UACA: variants seen among roughly 807,000 people sequenced by gnomAD.
UACA encodes nuclear membrane binding protein.
In UACA, 112 loss-of-function variants were observed where a neutral mutation model predicts 160.5. The observed-to-expected ratio is 0.70, with a 90% confidence interval of 0.60 to 0.82. The LOEUF (loss-of-function observed/expected upper bound fraction) is 0.82, where lower values mean the gene tolerates loss of function less well. Among genes scored for constraint, UACA ranks in the 40% least tolerant of loss-of-function variants. The probability of loss-of-function intolerance (pLI) is 0.00; values close to 1 mark genes in which losing one functional copy is unlikely to be tolerated. For missense variants in UACA, 1,574 were observed against 1,614.6 expected, an observed-to-expected ratio of 0.97 and a Z score of 0.43; for synonymous variants, 557 against 568.4, an observed-to-expected ratio of 0.98 and a Z score of 0.29.
chr15:70,747,251 T>G (rs928969121), intron 1 of UACA, among the ~76,000 whole-genome samples: 9 of 149,178 alleles, frequency 6.0e-5, no homozygotes, highest in Non-Finnish European at 1.0e-4. Flanking sequence ...GTTTTTTTTT[T>G]TTTTTTTTTT....
intron 1 of UACA, among the ~76,000 whole-genome samples, chr15:70,746,240 C>A (rs1899703767): frequency 6.6e-6 from 1 of 152,058 alleles, no homozygotes; most frequent in South Asian, 2.1e-4. Flanking sequence ...ATCCATCTGA[C>A]AAAGGGCTAA....
intron 1 of UACA, among the ~76,000 whole-genome samples, chr15:70,725,403 T>C (rs1272881055): frequency 6.6e-6 from 1 of 152,318 alleles, no homozygotes; most frequent in Admixed American, 6.5e-5. Context: ...ACCAAGAATG[T>C]CCACAGACCT....
intron 1 of UACA, among the ~76,000 whole-genome samples, chr15:70,744,472 T>TA (rs759517829): frequency 9.9e-5 from 15 of 152,046 alleles, no homozygotes; most frequent in Non-Finnish European, 2.1e-4. Flanking sequence ...TATAAGATAA[T>TA]AGACTATAAA....
At chr15:70,664,510 A>G (rs1013669808) in intron 17 of UACA, 152 bp downstream of exon 17, 1 of 835,746 alleles carries the variant, frequency 1.2e-6, no homozygotes, top group East Asian at 2.9e-5. Flanking sequence ...TTATTACACC[A>G]CCAGTATAGG....
At chr15:70,660,827 C>A (rs962030181) in intron 17 of UACA, 5 of 152,198 alleles carry the variant, frequency 3.3e-5, no homozygotes, top group African/African-American at 1.2e-4. Context: ...AGACCACATT[C>A]ACATAACTTT....
At chr15:70,714,667 GAA>G (rs547964617) in intron 1 of UACA, among the ~76,000 whole-genome samples, 1 of 149,252 alleles carries the variant, frequency 6.7e-6, no homozygotes, top group Non-Finnish European at 1.5e-5. Flanking sequence ...CATGAAATCT[GAA>G]AAAAAAAATT....
At position 70,655,656 on chromosome 15, in the gene UACA, A is replaced by G. The variant is rs1468298638; in HGVS notation, c.*1400T>C. On this transcript the variant is annotated 3_prime_UTR_variant, in exon 19 of 19. Coordinates refer to ENST00000322954, the MANE Select transcript of UACA (RefSeq NM_018003.4). ...CAGATATTGCTTATGTAAACCGTAT[A>G]AAGAATTAAAAACAAATCCAATTCT... 1 of 152,260 alleles carries G rather than the reference A, an allele frequency of 6.6e-6. No homozygotes were observed. The highest frequency in any genetic ancestry group is 2.4e-5 in the African/African-American group (1 of 41,474). 9.4% of individuals were successfully genotyped at this position (152,260 alleles called of 1,614,324 possible).
At chr15:70,778,373 G>A in the UACA span, among the ~76,000 whole-genome samples, 20,011 of 152,202 alleles carry the variant, frequency 0.13, 1,582 homozygotes, top group African/African-American at 0.22. Context: ...TCCTCACTGA[G>A]CTAAAATCAA....
chr15:70,753,153 A>G (rs1332913757), intron 1 of UACA, among the ~76,000 whole-genome samples: 14 of 152,222 alleles, frequency 9.2e-5, no homozygotes, highest in Admixed American at 9.2e-4. Context: ...ACAGATCAAC[A>G]TGAACAGGGC....
chr15:70,695,411 A>G lies in UACA; in HGVS notation c.213-306T>C, dbSNP rs1595894449. ...TAACTCTAAAGTTTATAGCAAAAGCATTGCTGCTTGGATCTTAATAAATGC... is the reference window on the plus strand; with the variant it reads ...TAACTCTAAAGTTTATAGCAAAAGCGTTGCTGCTTGGATCTTAATAAATGC... On this transcript the variant is annotated intron_variant, in intron 2 of 18. Coordinates refer to ENST00000322954, the MANE Select transcript of UACA (RefSeq NM_018003.4). 4.6e-5 allele frequency among the ~76,000 whole-genome samples: 7 copies of G among 151,970 alleles called. No homozygotes were observed. The East Asian group carries it at 1.3e-3, about 29-fold the overall frequency.
chr15:70,664,733 G>GTGA lies in UACA; in HGVS notation c.4041_4042insTCA (p.Asn1347_Pro1348insSer). The GTGA allele has an allele frequency of 6.2e-7, 1 of 1,613,576 alleles. No individual in the cohort carries two copies. The highest frequency in any genetic ancestry group is 8.5e-7 in the Non-Finnish European group (1 of 1,179,826). ...ATCAGCTGGCTCTGCCTCTTGGTGG[G>GTGA]GTTCCCACTTGTGTAGGTGAGTTGG... On this transcript the variant is annotated inframe_insertion, in exon 17 of 19. Transcript: ENST00000322954.
intron 1 of UACA, among the ~76,000 whole-genome samples, chr15:70,720,061 C>T (rs1297504237): frequency 6.6e-6 from 1 of 152,152 alleles, no homozygotes; most frequent in Non-Finnish European, 1.5e-5. Context: ...AGGCAGATTT[C>T]TCCCTTTGGT....
chr15:70,667,298 T>C lies in UACA; in HGVS notation c.3386A>G (p.Glu1129Gly). 1 of 1,611,426 alleles carries C rather than the reference T, an allele frequency of 6.2e-7. No individual in the cohort carries two copies. The highest frequency in any genetic ancestry group is 8.5e-7 in the Non-Finnish European group (1 of 1,179,410). The change falls in exon 16 of 19, where the codon GAA becomes GGA. Residue 1129 changes from glutamate to glycine, a missense_variant. Coordinates refer to ENST00000322954, the MANE Select transcript of UACA (RefSeq NM_018003.4). ...ALKKSLNGTI[E>G]NLKEELKSMQ... is the part of the protein sequence containing the mutation. ...ACTCTTCAGTTCTTCCTTTAGATTT[T>C]CAATTGTGCCATTAAGAGATTTTTT...
At chr15:70,764,440 A>G (rs928164588), upstream of UACA, among the ~76,000 whole-genome samples, 1 of 152,242 alleles carries the variant, frequency 6.6e-6, no homozygotes, top group African/African-American at 2.4e-5. Context: ...TCAGCACCCA[A>G]TAATTTGCTG....
chr15:70,689,499 A>G (rs1353462750), intron 5 of UACA, among the ~76,000 whole-genome samples: 1 of 152,200 alleles, frequency 6.6e-6, no homozygotes, highest in South Asian at 2.1e-4. Context: ...ATATTAAAAA[A>G]AAGAAATGCA....
chr15:70,684,971 T>C (rs916933441), intron 7 of UACA, among the ~76,000 whole-genome samples: 2 of 152,104 alleles, frequency 1.3e-5, no homozygotes, highest in South Asian at 4.1e-4. Context: ...ACTGATACTG[T>C]CACCCCATGT....
At position 70,678,183 on chromosome 15, in the gene UACA, A is replaced by G. The variant is rs759989049; in HGVS notation, c.915T>C (p.Asp305=). The G allele has an allele frequency of 6.2e-7, 1 of 1,610,798 alleles. No individual in the cohort carries two copies. The highest frequency in any genetic ancestry group is 1.1e-5 in the South Asian group (1 of 90,650). ...GAATTTTTCTCAACCTCTCTTTCAAATCTTCATTTTCAATCTCCAAATCCT... is the reference window on the plus strand; with the variant it reads ...GAATTTTTCTCAACCTCTCTTTCAAGTCTTCATTTTCAATCTCCAAATCCT... The part of the protein sequence containing the change: ...NIQDLEIENE[D]LKERLRKIQQ... Residue 305 remains aspartate (D), a synonymous_variant, in exon 11 of 19, where the codon GAT becomes GAC. Coordinates refer to ENST00000322954, the MANE Select transcript of UACA (RefSeq NM_018003.4).
At chr15:70,713,243 C>T (rs926562506) in intron 1 of UACA, among the ~76,000 whole-genome samples, 1 of 152,056 alleles carries the variant, frequency 6.6e-6, no homozygotes, top group Non-Finnish European at 1.5e-5. Flanking sequence ...CCCAGCTACT[C>T]GGGAGGCTGA....
rs2030892465 is a variant in UACA at position 70,763,328 on chromosome 15, ACCGCGCTGGCGG to A, written c.68_78+1del. The A allele has an allele frequency of 7.5e-7, 1 of 1,333,840 alleles. No individual in the cohort carries two copies. Among genetic ancestry groups the A allele is most frequent in the Admixed American group, 4.1e-5 (1 of 24,204 alleles). The allele number at this position is 1,333,840 out of a possible 1,614,324, so 82.6% of individuals were successfully genotyped here. ...CCTCGCAGCCCGGACCGCGGGACTC[ACCGCGCTGGCGG>A]CGGCGGCGCCAGACGACGCGGGGCC... On this transcript the variant is annotated splice_donor_variant and coding_sequence_variant, in exon 1 of 19. Coordinates refer to ENST00000322954, the MANE Select transcript of UACA (RefSeq NM_018003.4). LOFTEE classifies it high-confidence loss of function.
Sources: gnomAD v4.1 joint callset for allele counts (sites outside exome capture counted in the v4.1 genomes callset) on GRCh38, gnomAD v4.1.1 for gene constraint, MANE v1.5 for transcripts, NCBI Gene and HGNC (gene_info 2026-07-23, HGNC 2026-07-21) for gene names.